The following UPB1 variants were observed in gnomAD, a reference collection of about 807,000 sequenced individuals.
UPB1 encodes the protein beta-ureidopropionase.
UPB1 carries 40 observed loss-of-function variants against 49.1 expected under a neutral mutation model. The ratio of observed to expected loss-of-function variants is 0.81; its 90% CI spans 0.63 to 1.06. UPB1 has a LOEUF of 1.06. UPB1 is among the 50% of genes least tolerant of loss of function. UPB1 has a pLI of 0.00. For missense variants in UPB1, 499 were observed against 505.9 expected, an observed-to-expected ratio of 0.99 and a Z score of 0.13; for synonymous variants, 207 against 198.2, an observed-to-expected ratio of 1.04 and a Z score of -0.38.
chr22:24,522,082 C>G, intron 8 of UPB1, 54 bp downstream of exon 8: 1 of 1,592,962 alleles, frequency 6.3e-7, no homozygotes, highest in Non-Finnish European at 8.6e-7. Context: ...TTCCTCTCCC[C>G]TTCTCTGTCT....
In UPB1 at chr22:24,527,017, C is replaced by G. The variant is rs1252888218; in HGVS notation, c.*1223C>G. On this transcript the variant is annotated 3_prime_UTR_variant, in exon 10 of 10. Transcript: ENST00000326010. ...TGTGGTTGAGCTCCATTTTACACAT[C>G]AGATTACTCACTTCTCTACACCTTG... is the stretch of plus-strand genomic sequence containing the variant. The G allele has an allele frequency of 3.3e-5, 5 of 152,190 alleles. No homozygotes were observed. Among genetic ancestry groups the G allele is most frequent in the Non-Finnish European group, 7.3e-5 (5 of 68,052 alleles). 9.4% of individuals were successfully genotyped at this position (152,190 alleles called of 1,614,324 possible). A position where few individuals can be genotyped will look rare whatever the true frequency, so the allele number is the denominator to read the frequency against.
chr22:24,525,538 A>G (rs1373298424), intron 9 of UPB1, among the ~76,000 whole-genome samples, 173 bp from the exon 10 acceptor site: 1 of 152,214 alleles, frequency 6.6e-6, no homozygotes, highest in Non-Finnish European at 1.5e-5. Context: ...TCATTGTAGC[A>G]TCTGTGAACT....
intron 8 of UPB1, among the ~76,000 whole-genome samples, chr22:24,522,804 C>T (rs1482251814): frequency 6.6e-6 from 1 of 151,176 alleles, no homozygotes; most frequent in Non-Finnish European, 1.5e-5. Flanking sequence ...ATTAGCCGGG[C>T]ATGGTGGCCC....
rs147439637 is a variant in UPB1, at chr22:24,502,401, T to C, written c.364+188T>C. 5.1e-6 allele frequency: 4 copies of C among 791,942 alleles called. No individual in the cohort carries two copies. The East Asian group carries it at 9.7e-5, about 19-fold the overall frequency. The allele number at this position is 791,942 out of a possible 1,614,324, so 49.1% of individuals were successfully genotyped here. ...GTTACGCACCGAGCTGTTGTCTGAT[T>C]CCTTCAGTTTTCCCACATCGTTCTG... On this transcript the variant is annotated intron_variant, in intron 3 of 9. Transcript: ENST00000326010.
intron 3 of UPB1, chr22:24,503,037 A>G (rs994404799): frequency 1.3e-5 from 2 of 153,270 alleles, no homozygotes; most frequent in East Asian, 3.8e-4. Context: ...GGTGCACACC[A>G]TCACGCCCAG....
chr22:24,517,003 C>T (rs755348724), intron 6 of UPB1, among the ~76,000 whole-genome samples: 6 of 152,342 alleles, frequency 3.9e-5, no homozygotes, highest in South Asian at 4.1e-4. Flanking sequence ...GGATTACAAG[C>T]GTGAGCCACT....
chr22:24,519,736 C>G (rs1304988477), intron 6 of UPB1: 2 of 154,408 alleles, frequency 1.3e-5, no homozygotes, highest in African/African-American at 4.8e-5. Context: ...ATCCTATTAC[C>G]TAAGTTCCTT....
At chr22:24,521,600 T>G (rs1014613201) in intron 7 of UPB1, among the ~76,000 whole-genome samples, 1 of 152,182 alleles carries the variant, frequency 6.6e-6, no homozygotes, top group African/African-American at 2.4e-5. Context: ...CTGAAAGCAG[T>G]GTGTGTACCT....
At chr22:24,511,021 T>C (rs571686749) in intron 4 of UPB1, among the ~76,000 whole-genome samples, 178 bp downstream of exon 4, 1 of 152,226 alleles carries the variant, frequency 6.6e-6, no homozygotes, top group African/African-American at 2.4e-5. Context: ...ACTCTTAGAA[T>C]TGGGGCGTGT....
chr22:24,521,615 A>G (rs2044395297), intron 7 of UPB1, among the ~76,000 whole-genome samples: 1 of 152,184 alleles, frequency 6.6e-6, no homozygotes, highest in South Asian at 2.1e-4. Context: ...GTACCTGCCC[A>G]CTGCCTTCAC....
chr22:24,517,113 T>TC (rs2044310679), intron 6 of UPB1, among the ~76,000 whole-genome samples: 1 of 152,126 alleles, frequency 6.6e-6, no homozygotes, highest in Non-Finnish European at 1.5e-5. Context: ...TAATATCCCC[T>TC]CCCCATTCAA....
intron 6 of UPB1, 134 bp downstream of exon 6, chr22:24,515,504 T>C: frequency 1.6e-6 from 2 of 1,221,322 alleles, no homozygotes; most frequent in Non-Finnish European, 2.3e-6. Context: ...GCCCCCAGGA[T>C]TGCATGTTGT....
chr22:24,517,758 T>C (rs2044322338), intron 6 of UPB1, among the ~76,000 whole-genome samples: 1 of 152,234 alleles, frequency 6.6e-6, no homozygotes, highest in South Asian at 2.1e-4. Context: ...AGGCTGGCAG[T>C]AAAAACTAAC....
intron 3 of UPB1, among the ~76,000 whole-genome samples, chr22:24,509,361 GAAAAAAAA>G (rs202081655): frequency 1.5e-3 from 138 of 92,128 alleles, no homozygotes; most frequent in African/African-American, 5.4e-3. Context: ...CCTACTGTTT[GAAAAAAAA>G]AAAAAAAAAA....
chr22:24,496,404 TACACACACACAC>T lies in UPB1; in HGVS notation c.104+908_104+919del, dbSNP rs1012330972. ...ACACACACACACACACACACACACA[TACACACACACAC>T]ACACACACACGTCTTTGGATTTGGA... On this transcript the variant is annotated intron_variant, in intron 1 of 9. Coordinates refer to ENST00000326010, the MANE Select transcript of UPB1 (RefSeq NM_016327.3). 3.9e-3 allele frequency among the ~76,000 whole-genome samples: 494 copies of T among 126,980 alleles called. 2 individuals carry two copies. The highest frequency in any genetic ancestry group is 0.013 in the African/African-American group (442 of 35,280). 83.3% of individuals were successfully genotyped at this position (126,980 alleles called of 152,430 possible).
At position 24,495,396 on chromosome 22, in the gene UPB1, C is replaced by T; in HGVS notation, c.-8C>T. 2 of 1,612,776 alleles carry T rather than the reference C, an allele frequency of 1.2e-6. No individual in the cohort carries two copies. Among genetic ancestry groups the T allele is most frequent in the Non-Finnish European group, 1.7e-6 (2 of 1,179,966 alleles). ...GTGCGCGGACACAAGCACTGGCGGA[C>T]CGTGGCCATGGCGGGCGCTGAGTGG... On this transcript the variant is annotated 5_prime_UTR_variant, in exon 1 of 10. Coordinates refer to ENST00000326010, the MANE Select transcript of UPB1 (RefSeq NM_016327.3).
rs1490485954 is a variant in UPB1 at position 24,495,423 on chromosome 22, A to G, written c.20A>G (p.Lys7Arg). 2 of 1,613,496 alleles carry G rather than the reference A, an allele frequency of 1.2e-6. No homozygotes were observed. Among genetic ancestry groups the G allele is most frequent in the Non-Finnish European group, 1.7e-6 (2 of 1,180,028 alleles). MAGAEWKSLEECLEKHL... is the reference protein window; with the variant it reads MAGAEWRSLEECLEKHL... Reference sequence around the variant, plus strand: ...GTGGCCATGGCGGGCGCTGAGTGGAAGTCGCTGGAGGAATGCTTGGAGAAG... The same window carrying G: ...GTGGCCATGGCGGGCGCTGAGTGGAGGTCGCTGGAGGAATGCTTGGAGAAG... The change falls in exon 1 of 10, where the codon AAG becomes AGG. Residue 7 changes from lysine to arginine, a missense_variant. Lys to Arg is a conservative substitution (Grantham distance 26). Transcript: ENST00000326010.
At chr22:24,507,515 G>T (rs1029219126) in intron 3 of UPB1, among the ~76,000 whole-genome samples, 2 of 152,152 alleles carry the variant, frequency 1.3e-5, no homozygotes, top group African/African-American at 2.4e-5. Flanking sequence ...TGTTGGAGAC[G>T]ATCTGCCTAT....
In UPB1 at chr22:24,508,022, C is replaced by T. The variant is rs528559880; in HGVS notation, c.365-2727C>T. Among the ~76,000 whole-genome samples, 13 of 152,300 alleles carry T rather than the reference C, an allele frequency of 8.5e-5. No homozygotes were observed. In the East Asian group the frequency reaches 2.5e-3, roughly 29 times the overall value. ...TTGGTTCAGACTCCCCTGGCCCCCT[C>T]CGCCGTATGGGGGAGCTGTTTTCTT... On this transcript the variant is annotated intron_variant, in intron 3 of 9. Coordinates refer to ENST00000326010, the MANE Select transcript of UPB1 (RefSeq NM_016327.3).
Sources: gnomAD v4.1 joint callset for allele counts (sites outside exome capture counted in the v4.1 genomes callset) on GRCh38, gnomAD v4.1.1 for gene constraint, MANE v1.5 for transcripts, NCBI Gene and HGNC (gene_info 2026-07-23, HGNC 2026-07-21) for gene names.